Variants in PAK2 observed in about 807,000 individuals in gnomAD.
PAK2 encodes serine/threonine-protein kinase PAK 2.
A neutral mutation model predicts 65.9 loss-of-function variants in PAK2; 21 were observed. That is an observed-to-expected ratio of 0.32 (90% CI 0.23 to 0.46). The LOEUF is 0.46. Ranked by LOEUF, PAK2 falls within the 20% of genes least tolerant of loss-of-function variation. The pLI is 1.00. For synonymous variants in PAK2, 204 were observed against 219.7 expected (o/e 0.93, Z 0.63); for missense variants, 324 against 642.6 (o/e 0.50, Z 5.36).
At chr3:196,755,330 G>T (rs894591328) in intron 1 of PAK2, among the ~76,000 whole-genome samples, 6 of 152,008 alleles carry the variant, frequency 3.9e-5, no homozygotes, top group Non-Finnish European at 7.4e-5. Context: ...ATCTAGTGAG[G>T]CTGAAAATTT....
intron 1 of PAK2, among the ~76,000 whole-genome samples, chr3:196,744,455 C>G (rs1022226960): frequency 2.8e-4 from 42 of 152,214 alleles, no homozygotes; most frequent in African/African-American, 9.6e-4. Context: ...AGGAGGATCA[C>G]CTGAGCTCAA....
In PAK2 at chr3:196,807,755, C is replaced by A. The variant is rs954664005; in HGVS notation, c.577-27C>A. Reference sequence around the variant, plus strand: ...ATATCTGAAAACATTATTCCTCAAACCTTGGTAATGAACTGTGTCTCCACA... The same window carrying A: ...ATATCTGAAAACATTATTCCTCAAAACTTGGTAATGAACTGTGTCTCCACA... On this transcript the variant is annotated intron_variant, in intron 6 of 14. Transcript: ENST00000327134. 6 of 1,355,330 alleles carry A rather than the reference C, an allele frequency of 4.4e-6. No individual in the cohort carries two copies. The African/African-American group carries it at 8.7e-5, about 20-fold the overall frequency. 84.0% of individuals were successfully genotyped at this position (1,355,330 alleles called of 1,614,324 possible).
At chr3:196,751,965 A>C (rs1713618514) in intron 1 of PAK2, among the ~76,000 whole-genome samples, 1 of 150,346 alleles carries the variant, frequency 6.7e-6, no homozygotes, top group Non-Finnish European at 1.5e-5. Context: ...CTGGTCTTGA[A>C]CTCTTGACCT....
Position 196,777,780 on chromosome 3 carries a change from T to A in PAK2, c.-21-4846T>A, listed in dbSNP as rs183789126. Among the ~76,000 whole-genome samples, 20 of 152,334 alleles carry A rather than the reference T, an allele frequency of 1.3e-4. No individual in the cohort carries two copies. In the East Asian group the frequency reaches 2.5e-3, roughly 19 times the overall value. On this transcript the variant is annotated intron_variant, in intron 1 of 14. Transcript: ENST00000327134. ...CAGAGGACTCAGGTCGTCTTTTATT[T>A]TCTCTAATGTCTAGCACAGAGTCTT... is the stretch of plus-strand genomic sequence containing the variant.
At chr3:196,827,446 T>C (rs1283877862) in intron 14 of PAK2, 113 bp downstream of exon 14, 94 of 1,505,182 alleles carry the variant, frequency 6.2e-5, no homozygotes, top group Non-Finnish European at 5.8e-5. Context: ...ACCAGCGGTA[T>C]GGCAGCTGCT....
At chr3:196,741,177 G>A (rs1713179793) in intron 1 of PAK2, among the ~76,000 whole-genome samples, 1 of 152,162 alleles carries the variant, frequency 6.6e-6, no homozygotes, top group South Asian at 2.1e-4. Flanking sequence ...TTTGGATCAA[G>A]GTTGTGCACG....
chr3:196,812,790 A>AT lies in PAK2; in HGVS notation c.876dup (p.Asn293Ter). ...GAAACAGCCAAAGAAGGAACTGATCATTAACGAGATTCTGGTGATGAAAGA... is the reference window on the plus strand; with the variant it reads ...GAAACAGCCAAAGAAGGAACTGATCATTTAACGAGATTCTGGTGATGAAAGA... On this transcript the variant is annotated frameshift_variant, in exon 10 of 15. Coordinates refer to ENST00000327134, the MANE Select transcript of PAK2 (RefSeq NM_002577.4). LOFTEE classifies it high-confidence loss of function. The AT allele has an allele frequency of 6.3e-7, 1 of 1,583,624 alleles. No homozygotes were observed. The highest frequency in any genetic ancestry group is 8.7e-7 in the Non-Finnish European group (1 of 1,152,620).
intron 2 of PAK2, among the ~76,000 whole-genome samples, chr3:196,801,302 A>T (rs1715415377): frequency 6.6e-6 from 1 of 152,036 alleles, no homozygotes; most frequent in African/African-American, 2.4e-5. Context: ...CCTTTGTGAG[A>T]GAGCTGGTGC....
At chr3:196,759,760 C>T (rs998648537) in intron 1 of PAK2, among the ~76,000 whole-genome samples, 4 of 151,888 alleles carry the variant, frequency 2.6e-5, no homozygotes, top group African/African-American at 7.2e-5. Context: ...CTCCTGAGCT[C>T]GTGATCTGCC....
rs1318557594 is a variant in PAK2 at position 196,830,963 on chromosome 3, T to A, written c.*2558T>A. 1 of 152,236 alleles carries A rather than the reference T, an allele frequency of 6.6e-6. No individual in the cohort carries two copies. 9.4% of individuals were successfully genotyped at this position (152,236 alleles called of 1,614,324 possible). On this transcript the variant is annotated 3_prime_UTR_variant, in exon 15 of 15. Coordinates refer to ENST00000327134, the MANE Select transcript of PAK2 (RefSeq NM_002577.4). ...GTGCAGTGACATGATCTCAGCTCAC[T>A]GCAACCTCCGCTTCCTGGGTTCAAG...
intron 7 of PAK2, among the ~76,000 whole-genome samples, chr3:196,808,232 A>G (rs1165426460): frequency 6.6e-6 from 1 of 151,932 alleles, no homozygotes; most frequent in East Asian, 1.9e-4. Flanking sequence ...CAAGAGAATC[A>G]CTTGAACCCA....
chr3:196,797,913 C>T (rs985983435), intron 2 of PAK2, among the ~76,000 whole-genome samples: 10 of 151,924 alleles, frequency 6.6e-5, no homozygotes, highest in Admixed American at 5.2e-4. Context: ...TATATTAAGC[C>T]GAATGAAAAT....
chr3:196,820,553 GA>G lies in PAK2; in HGVS notation c.1340del (p.Asn447IlefsTer3). 6.4e-7 allele frequency: 1 copy of G among 1,573,130 alleles called. No homozygotes were observed. Among genetic ancestry groups the G allele is most frequent in the Non-Finnish European group, 8.7e-7 (1 of 1,154,482 alleles). ...MVEGEPPYLN[E>X]NPLRALYLIA... ...AGAAGGAGAGCCTCCATACCTCAAT[GA>G]AAATCCCTTGAGGGTAAGATGAGTT... On this transcript the variant is annotated frameshift_variant, in exon 13 of 15. Coordinates refer to ENST00000327134, the MANE Select transcript of PAK2 (RefSeq NM_002577.4). LOFTEE classifies it high-confidence loss of function. The surrounding 1 kb of genome is among the most constrained non-coding windows in gnomAD (Gnocchi z 4.6).
intron 3 of PAK2, among the ~76,000 whole-genome samples, chr3:196,802,370 C>T (rs1000321470): frequency 6.6e-6 from 1 of 152,104 alleles, no homozygotes; most frequent in Admixed American, 6.6e-5. Context: ...CATTGCACTC[C>T]AGCCTGGGCA....
chr3:196,759,488 GGTTTTTTTTGTTTTTTTTTTTTTTTTT>G (rs1713876363), intron 1 of PAK2, among the ~76,000 whole-genome samples: 1 of 111,112 alleles, frequency 9.0e-6, no homozygotes, highest in African/African-American at 3.7e-5. Context: ...ACAGTTAAGT[GGTTTTTTTTGTTTTTTTTTTTTTTTTT>G]TTTTTTTTTT....
At chr3:196,795,178 G>T (rs1469685248) in intron 2 of PAK2, among the ~76,000 whole-genome samples, 1 of 151,980 alleles carries the variant, frequency 6.6e-6, no homozygotes, top group Admixed American at 6.6e-5. Flanking sequence ...TGTTAGGGCT[G>T]GGCACAGTGG....
chr3:196,815,006 T>C lies in PAK2; in HGVS notation c.1053+438T>C, dbSNP rs555733614. ...CATCCTGGCTAACACGGTGAAACCC[T>C]GTCTCTACTAAAAATACAAAAAAAT... On this transcript the variant is annotated intron_variant, in intron 11 of 14. Coordinates refer to ENST00000327134, the MANE Select transcript of PAK2 (RefSeq NM_002577.4). Among the ~76,000 whole-genome samples the C allele has an allele frequency of 2.5e-3, 381 of 150,478 alleles. 2 individuals are homozygous for C. The highest frequency in any genetic ancestry group is 7.1e-3 in the African/African-American group (291 of 40,876).
intron 2 of PAK2, among the ~76,000 whole-genome samples, chr3:196,795,783 C>T (rs1002896747): frequency 2.6e-5 from 4 of 152,156 alleles, no homozygotes; most frequent in African/African-American, 7.2e-5. Flanking sequence ...AAACTAAGCC[C>T]TTCAGGCAGA....
chr3:196,760,602 G>T (rs1236201234), intron 1 of PAK2, among the ~76,000 whole-genome samples: 2 of 152,150 alleles, frequency 1.3e-5, no homozygotes, highest in African/African-American at 4.8e-5. Flanking sequence ...TGATAAGTAG[G>T]CATCATCCAT....
Sources: gnomAD v4.1 joint callset for allele counts (sites outside exome capture counted in the v4.1 genomes callset) on GRCh38, gnomAD v4.1.1 for gene constraint, Gnocchi (gnomAD v3.1) non-coding constraint, MANE v1.5 for transcripts, NCBI Gene and HGNC (gene_info 2026-07-23, HGNC 2026-07-21) for gene names.